Variants in SPAG16 observed in about 807,000 individuals in gnomAD.
SPAG16 encodes the protein sperm-associated antigen 16 protein.
Under a neutral mutation model 80.4 loss-of-function variants are expected in SPAG16, and 86 were observed. The ratio of observed to expected loss-of-function variants is 1.07; its 90% CI spans 0.90 to 1.28. The LOEUF (loss-of-function observed/expected upper bound fraction) is 1.28. Among genes scored for constraint, SPAG16 ranks in the 50% most tolerant of loss-of-function variants. The pLI, the probability that SPAG16 is intolerant of heterozygous loss-of-function variation, is 0.00. For synonymous variants in SPAG16, 294 were observed against 265.9 expected (o/e 1.11, Z -1.03); for missense variants, 870 against 765.3 (o/e 1.14, Z -1.61).
intron 10 of SPAG16, among the ~76,000 whole-genome samples, chr2:213,790,055 T>C (rs1001385832): frequency 2.6e-5 from 4 of 151,936 alleles, no homozygotes; most frequent in Admixed American, 6.6e-5. Context: ...AACTTGATTA[T>C]TGCTATTTTA....
chr2:213,879,450 G>T (rs956866854), intron 11 of SPAG16, among the ~76,000 whole-genome samples: 7 of 151,234 alleles, frequency 4.6e-5, no homozygotes, highest in African/African-American at 1.7e-4. Context: ...AAATGAGATT[G>T]CTTTCTTGAT....
chr2:214,211,724 T>C (rs1026685908), intron 15 of SPAG16, among the ~76,000 whole-genome samples: 8 of 152,176 alleles, frequency 5.3e-5, no homozygotes, highest in Non-Finnish European at 2.9e-5. Context: ...CTTGGATCAA[T>C]TGATCATTAC....
chr2:213,626,641 A>AGTTTTTTTT (rs1213389671), intron 10 of SPAG16, among the ~76,000 whole-genome samples: 2 of 98,980 alleles, frequency 2.0e-5, no homozygotes, highest in African/African-American at 7.9e-5. Flanking sequence ...ATCGGGCTCA[A>AGTTTTTTTT]TTTTTTTTTT....
chr2:214,035,041 C>G (rs904826670), intron 13 of SPAG16, among the ~76,000 whole-genome samples: 8 of 152,120 alleles, frequency 5.3e-5, no homozygotes, highest in Non-Finnish European at 8.8e-5. Flanking sequence ...TGTAACAGCT[C>G]AGAGGAGACA....
At chr2:213,693,813 A>G (rs984011383) in intron 10 of SPAG16, among the ~76,000 whole-genome samples, 2 of 152,172 alleles carry the variant, frequency 1.3e-5, no homozygotes, top group Non-Finnish European at 2.9e-5. Flanking sequence ...ATCAAATGCT[A>G]TGGGGCCTGG....
rs576643021 is a variant in SPAG16, at chr2:214,271,631, C to G, written c.1720+122365C>G. 1.1e-3 allele frequency among the ~76,000 whole-genome samples: 163 copies of G among 152,148 alleles called. 1 individual carries two copies. Among genetic ancestry groups the G allele is most frequent in the Middle Eastern group, 3.4e-3 (1 of 294 alleles). ...GCCTGGCCAACATGGAAAACCCTGT[C>G]TCTACTAAAAATACAAAAGTTAGCT... is the stretch of plus-strand genomic sequence containing the variant. On this transcript the variant is annotated intron_variant, in intron 15 of 15. Coordinates refer to ENST00000331683, the MANE Select transcript of SPAG16 (RefSeq NM_024532.5).
intron 13 of SPAG16, among the ~76,000 whole-genome samples, chr2:214,048,469 T>C (rs2049460086): frequency 6.6e-6 from 1 of 152,088 alleles, no homozygotes; most frequent in African/African-American, 2.4e-5. Flanking sequence ...AAAGACAAAC[T>C]GCATGTTCTC....
chr2:213,948,577 A>C (rs1221466831), intron 12 of SPAG16, among the ~76,000 whole-genome samples: 2 of 152,124 alleles, frequency 1.3e-5, no homozygotes, highest in Non-Finnish European at 2.9e-5. Context: ...GTAATCCAAC[A>C]CTAGCTTTTA....
intron 12 of SPAG16, among the ~76,000 whole-genome samples, chr2:213,982,217 A>C (rs1425697263): frequency 6.6e-6 from 1 of 152,058 alleles, no homozygotes; most frequent in African/African-American, 2.4e-5. Context: ...TACAACAGTA[A>C]TTTCAACAAT....
At chr2:213,636,009 A>G (rs747435215) in intron 10 of SPAG16, among the ~76,000 whole-genome samples, 1 of 152,170 alleles carries the variant, frequency 6.6e-6, no homozygotes, top group Non-Finnish European at 1.5e-5. Context: ...GTACTTGGTC[A>G]TGAACTCTTA....
chr2:213,881,216 T>C (rs1282786735), intron 11 of SPAG16, among the ~76,000 whole-genome samples: 1 of 152,194 alleles, frequency 6.6e-6, no homozygotes, highest in Non-Finnish European at 1.5e-5. Context: ...TTTCATTTTC[T>C]TTGTGGCTAT....
At chr2:214,077,077 G>T (rs2051117343) in intron 13 of SPAG16, among the ~76,000 whole-genome samples, 1 of 152,132 alleles carries the variant, frequency 6.6e-6, no homozygotes. Context: ...GCCAAGAAGA[G>T]ATTTATTTTG....
intron 9 of SPAG16, among the ~76,000 whole-genome samples, chr2:213,471,568 G>A (rs1169207294): frequency 2.6e-5 from 4 of 152,160 alleles, no homozygotes; most frequent in Non-Finnish European, 4.4e-5. Flanking sequence ...AATTTTAGAG[G>A]CCTCTGCTGT....
At chr2:214,064,822 C>T (rs1439332846) in intron 13 of SPAG16, among the ~76,000 whole-genome samples, 1 of 151,802 alleles carries the variant, frequency 6.6e-6, no homozygotes, top group Non-Finnish European at 1.5e-5. Flanking sequence ...GTGTTTTGTA[C>T]AAGTTAATAA....
intron 10 of SPAG16, among the ~76,000 whole-genome samples, chr2:213,698,652 A>G (rs975872156): frequency 1.3e-5 from 2 of 152,136 alleles, no homozygotes; most frequent in Admixed American, 6.5e-5. Context: ...TTTCTATTTG[A>G]CACTCTTAGT....
chr2:214,291,998 TGAA>T (rs1190689022), intron 15 of SPAG16, among the ~76,000 whole-genome samples: 1 of 152,218 alleles, frequency 6.6e-6, no homozygotes, highest in Non-Finnish European at 1.5e-5. Context: ...CCTTTATTGA[TGAA>T]GAATAATTTT....
intron 15 of SPAG16, among the ~76,000 whole-genome samples, chr2:214,400,147 T>C (rs1363525717): frequency 6.6e-6 from 1 of 152,038 alleles, no homozygotes; most frequent in East Asian, 1.9e-4. Context: ...GCTCTCCTAA[T>C]AGGGGGGAAA....
intron 10 of SPAG16, among the ~76,000 whole-genome samples, chr2:213,506,261 T>C (rs1031714584): frequency 2.6e-5 from 4 of 152,108 alleles, no homozygotes; most frequent in African/African-American, 9.7e-5. Flanking sequence ...TATAGAAACA[T>C]GTTAATTATT....
At chr2:214,342,891 A>G (rs191358262) in intron 15 of SPAG16, among the ~76,000 whole-genome samples, 2 of 152,314 alleles carry the variant, frequency 1.3e-5, no homozygotes, top group African/African-American at 4.8e-5. Context: ...GACTGAACAT[A>G]TTAATAAAGT....
Sources: gnomAD v4.1 joint callset for allele counts (sites outside exome capture counted in the v4.1 genomes callset) on GRCh38, gnomAD v4.1.1 for gene constraint, MANE v1.5 for transcripts, NCBI Gene and HGNC (gene_info 2026-07-23, HGNC 2026-07-21) for gene names.